MBTPS2: variants seen among roughly 807,000 people sequenced by gnomAD.
The protein encoded by MBTPS2 is membrane-bound transcription factor site-2 protease.
A neutral mutation model predicts 35.4 loss-of-function variants in MBTPS2; 2 were observed. The ratio of observed to expected loss-of-function variants is 0.06; its 90% CI spans 0.02 to 0.18. MBTPS2 has a LOEUF of 0.18. MBTPS2 is among the 10% of genes least tolerant of loss of function. The pLI, the probability that MBTPS2 is intolerant of heterozygous loss-of-function variation, is 1.00. For missense variants in MBTPS2, 244 were observed against 386.5 expected, an observed-to-expected ratio of 0.63 and a Z score of 3.09; for synonymous variants, 125 against 140.4, an observed-to-expected ratio of 0.89 and a Z score of 0.77.
At chrX:21,856,363 T>TTCTC (rs754636872) in intron 5 of MBTPS2, 1 of 777,707 alleles carries the variant, frequency 1.3e-6, no homozygotes, top group Non-Finnish European at 1.8e-6. Flanking sequence ...GCTCGCGCCT[T>TTCTC]TCTCTGCAGC....
chrX:21,869,716 C>T (rs766129927), intron 7 of MBTPS2, 38 bp downstream of exon 7: 1 of 1,003,740 alleles, frequency 1.0e-6, no homozygotes, highest in Non-Finnish European at 1.4e-6. Flanking sequence ...ATGCTTCAAG[C>T]ACCAGTACCT....
At chrX:21,856,474 AACTC>A in intron 5 of MBTPS2, 2 of 1,198,905 alleles carry the variant, frequency 1.7e-6, no homozygotes, top group Non-Finnish European at 2.3e-6. Context: ...TAACCTAACT[AACTC>A]TCAGCCATGG....
At chrX:21,869,394 A>G (rs1224270161) in intron 6 of MBTPS2, 104 bp from the exon 7 acceptor site, 1 of 617,581 alleles carries the variant, frequency 1.6e-6, no homozygotes, top group African/African-American at 2.2e-5. Flanking sequence ...TATTTTCTGC[A>G]TTCAAACTAT....
At chrX:21,859,314 G>A (rs956108300) in intron 5 of MBTPS2, among the ~76,000 whole-genome samples, 1 of 93,139 alleles carries the variant, frequency 1.1e-5, no homozygotes, top group Non-Finnish European at 2.1e-5. Flanking sequence ...ATATGCATAC[G>A]TGAAGTATTT....
intron 5 of MBTPS2, chrX:21,856,460 C>T (rs759882552): frequency 1.6e-5 from 19 of 1,189,665 alleles, no homozygotes; most frequent in East Asian, 1.5e-4. Context: ...CTTCCCGTTG[C>T]CGCTAACCTA....
intron 5 of MBTPS2, among the ~76,000 whole-genome samples, chrX:21,861,614 G>A (rs2092931418): frequency 9.1e-6 from 1 of 110,267 alleles, no homozygotes; most frequent in African/African-American, 3.3e-5. Flanking sequence ...TGAGGTGGGA[G>A]GATCACTTCA....
At chrX:21,842,628 G>A (rs762621254) in intron 1 of MBTPS2, among the ~76,000 whole-genome samples, 2 of 111,581 alleles carry the variant, frequency 1.8e-5, no homozygotes, top group East Asian at 5.6e-4. Context: ...AATAGTGTAT[G>A]TTGATTACAT....
chrX:21,879,949 CTTTT>C (rs60769329), intron 9 of MBTPS2, among the ~76,000 whole-genome samples: 6 of 47,424 alleles, frequency 1.3e-4, no homozygotes, highest in African/African-American at 4.0e-4. Context: ...TTATGTTATT[CTTTT>C]TTTTTTTTTT....
At chrX:21,856,976 G>T (rs775288900) in intron 5 of MBTPS2, 1 of 1,212,160 alleles carries the variant, frequency 8.2e-7, no homozygotes. Context: ...GCTCCAGCCT[G>T]GGCACGAGGA....
chrX:21,845,147 CATG>C, intron 2 of MBTPS2, 21 bp from the exon 3 acceptor site: 1 of 1,209,605 alleles, frequency 8.3e-7, no homozygotes, highest in East Asian at 3.0e-5. Flanking sequence ...TGTAAATTAA[CATG>C]ATTTTTTTCC....
intron 7 of MBTPS2, among the ~76,000 whole-genome samples, chrX:21,876,013 A>G (rs1355947559): frequency 1.8e-5 from 2 of 112,153 alleles, no homozygotes; most frequent in African/African-American, 6.5e-5. Flanking sequence ...CTCAAGAGGG[A>G]ATAGGTAAGG....
chrX:21,868,672 T>C (rs924860823), intron 6 of MBTPS2, 87 bp downstream of exon 6: 2 of 647,758 alleles, frequency 3.1e-6, no homozygotes, highest in Non-Finnish European at 5.2e-6. Context: ...ATTCAAGATC[T>C]CTTCATATAC....
At position 21,884,817 on chromosome X, in the gene MBTPS2, TTAAG is replaced by T. The variant is rs1234767142; in HGVS notation, c.*2167_*2170del. The T allele has an allele frequency of 3.1e-5, 21 of 684,557 alleles. No homozygotes were observed. Among genetic ancestry groups the T allele is most frequent in the East Asian group, 3.2e-4 (2 of 6,347 alleles). The allele number at this position is 684,557 out of a possible 1,213,427, so 56.4% of individuals were successfully genotyped here. On this transcript the variant is annotated 3_prime_UTR_variant, in exon 11 of 11. Coordinates refer to ENST00000379484, the MANE Select transcript of MBTPS2 (RefSeq NM_015884.4). ...TGGATTAGAAAAAGCATGTTTCTAT[TTAAG>T]TAAGCTGTAAAAAGTATTATTGAAT...
At position 21,843,009 on chromosome X, in the gene MBTPS2, G is replaced by T. The variant is rs1316692848; in HGVS notation, c.76-161G>T. On this transcript the variant is annotated intron_variant, in intron 1 of 10. Coordinates refer to ENST00000379484, the MANE Select transcript of MBTPS2 (RefSeq NM_015884.4). The stretch of plus-strand genomic sequence containing the variant: ...ATCTCAGTAGACCGGTTAGGTCTGT[G>T]ACCTTTAATATTCTGAAGAATAAAC... Among the ~76,000 whole-genome samples the T allele has an allele frequency of 4.4e-5, 5 of 112,628 alleles. No homozygotes were observed. In the Admixed American group the frequency reaches 4.7e-4, roughly 11 times the overall value.
chrX:21,860,107 A>AAG lies in MBTPS2; in HGVS notation c.670+6608_670+6609dup, dbSNP rs1555983678. 4.8e-3 allele frequency among the ~76,000 whole-genome samples: 494 copies of AAG among 102,095 alleles called. 1 individual carries two copies. The highest frequency in any genetic ancestry group is 0.01 in the Middle Eastern group (2 of 199). The allele number at this position is 102,095 out of a possible 115,157, so 88.7% of individuals were successfully genotyped here. ...ACCTTGTGTCAAAAAAAAAAAAAAA[A>AAG]AGAGAAAAAGGGGCAGAGGGGCTGG... On this transcript the variant is annotated intron_variant, in intron 5 of 10. Transcript: ENST00000379484.
At chrX:21,875,349 G>A (rs2092951893) in intron 7 of MBTPS2, among the ~76,000 whole-genome samples, 1 of 112,081 alleles carries the variant, frequency 8.9e-6, no homozygotes. Flanking sequence ...GCCCCAAATT[G>A]AGTGGCCTGG....
chrX:21,870,039 A>G, intron 7 of MBTPS2: 2 of 160,627 alleles, frequency 1.2e-5, no homozygotes, highest in South Asian at 1.4e-4. Flanking sequence ...TCAGGAGTTC[A>G]TGACCAACCT....
chrX:21,865,424 C>T (rs1483066278), intron 5 of MBTPS2, among the ~76,000 whole-genome samples: 1 of 111,822 alleles, frequency 8.9e-6, no homozygotes, highest in African/African-American at 3.3e-5. Flanking sequence ...TAAAAAAATT[C>T]TCTATGCTTT....
In MBTPS2 at chrX:21,885,295, G is replaced by A. The variant is rs2092963555; in HGVS notation, c.*2640G>A. On this transcript the variant is annotated 3_prime_UTR_variant, in exon 11 of 11. Coordinates refer to ENST00000379484, the MANE Select transcript of MBTPS2 (RefSeq NM_015884.4). ...ATGTTCACATACTAATGGTGCACAG[G>A]TGTTTTTTTCTATAAATCTTCTGAC... 1.3e-6 allele frequency: 1 copy of A among 750,579 alleles called. No homozygotes were observed. Among genetic ancestry groups the A allele is most frequent in the African/African-American group, 2.3e-5 (1 of 43,175 alleles). The allele number at this position is 750,579 out of a possible 1,213,427, so 61.9% of individuals were successfully genotyped here. A position where few individuals can be genotyped will look rare whatever the true frequency, so the allele number is the denominator to read the frequency against.
Sources: gnomAD v4.1 joint callset for allele counts (sites outside exome capture counted in the v4.1 genomes callset) on GRCh38, gnomAD v4.1.1 for gene constraint, MANE v1.5 for transcripts, NCBI Gene and HGNC (gene_info 2026-07-23, HGNC 2026-07-21) for gene names.